RTN4RL2: variants seen among roughly 807,000 people sequenced by gnomAD.
RTN4RL2 encodes the protein reticulon 4 receptor like 2.
In RTN4RL2, 9 loss-of-function variants were observed where a neutral mutation model predicts 27.8. The ratio of observed to expected loss-of-function variants is 0.32; its 90% CI spans 0.20 to 0.57. The LOEUF (loss-of-function observed/expected upper bound fraction) is 0.57. RTN4RL2 is among the 20% of genes least tolerant of loss of function. RTN4RL2 has a pLI of 0.90. For missense variants in RTN4RL2, 436 were observed against 596.8 expected (o/e 0.73, Z 2.81); for synonymous variants, 285 against 297.9 (o/e 0.96, Z 0.45).
At chr11:57,466,505 C>T (rs376545538) in intron 1 of RTN4RL2, among the ~76,000 whole-genome samples, 1 of 152,186 alleles carries the variant, frequency 6.6e-6, no homozygotes, top group Non-Finnish European at 1.5e-5. Flanking sequence ...TAAGTAACTG[C>T]GAATGAGGAG....
chr11:57,462,733 C>T (rs530245293), intron 1 of RTN4RL2, among the ~76,000 whole-genome samples: 21 of 152,368 alleles, frequency 1.4e-4, no homozygotes, highest in Non-Finnish European at 2.2e-4. Flanking sequence ...TGGCTCTGGA[C>T]ACTTCAGCCT....
chr11:57,471,028 G>A (rs902594686), intron 2 of RTN4RL2, among the ~76,000 whole-genome samples: 1 of 152,062 alleles, frequency 6.6e-6, no homozygotes, highest in East Asian at 1.9e-4. Flanking sequence ...TTGAAGTCAG[G>A]AGTTCGAGAC....
At chr11:57,466,161 C>T (rs113898131) in intron 1 of RTN4RL2, among the ~76,000 whole-genome samples, 1,571 of 151,710 alleles carry the variant, frequency 0.01, 29 homozygotes, top group African/African-American at 0.036. Flanking sequence ...CCACCATGCC[C>T]GGCTAAATTT....
In RTN4RL2 at chr11:57,477,440, G is replaced by C. The variant is rs1321950878; in HGVS notation, c.*529G>C. 1 of 152,808 alleles carries C rather than the reference G, an allele frequency of 6.5e-6. No individual in the cohort carries two copies. The highest frequency in any genetic ancestry group is 1.5e-5 in the Non-Finnish European group (1 of 68,494). 9.5% of individuals were successfully genotyped at this position (152,808 alleles called of 1,614,324 possible). ...ACCCTGGACACTTTTTAGGGCACCT[G>C]GAGAGAACTTTCCTCTCCACTGTGG... On this transcript the variant is annotated 3_prime_UTR_variant, in exon 3 of 3. Coordinates refer to ENST00000335099, the MANE Select transcript of RTN4RL2 (RefSeq NM_178570.3).
chr11:57,476,306 C>A lies in RTN4RL2; in HGVS notation c.658C>A (p.Arg220Ser), dbSNP rs749353503. 1 of 1,611,448 alleles carries A rather than the reference C, an allele frequency of 6.2e-7. No individual in the cohort carries two copies. Residue 220 changes from arginine (R) to serine (S), a missense_variant, in exon 3 of 3, where the codon CGC (arginine) becomes AGC (serine). Around this residue, in one of 3 missense-constraint regions of RTN4RL2, gnomAD observed 365 missense variants for 530.5 expected, o/e 0.69. Transcript: ENST00000335099. This position sits in a 1 kb window ranked among gnomAD's most constrained non-coding sequence, Gnocchi z 8.2. ...CGGGAACCGGCTGCAGGGCGTGCAC[C>A]GCGCGGCCTTCCGCGGCCTCAGCCG... ...LHGNRLQGVH[R>S]AAFRGLSRLT...
chr11:57,461,256 G>GGT (rs1212789581), intron 1 of RTN4RL2, among the ~76,000 whole-genome samples: 1 of 152,180 alleles, frequency 6.6e-6, no homozygotes, highest in African/African-American at 2.4e-5. Context: ...CCTCCTGCCC[G>GGT]GTGCCTCAGC....
chr11:57,472,453 C>T (rs1423091560), intron 2 of RTN4RL2, among the ~76,000 whole-genome samples: 1 of 151,984 alleles, frequency 6.6e-6, no homozygotes, highest in Non-Finnish European at 1.5e-5. Context: ...TTAAGCAATC[C>T]ACCCGCCTCG....
chr11:57,466,524 G>A (rs1427458738), intron 1 of RTN4RL2, among the ~76,000 whole-genome samples: 1 of 152,218 alleles, frequency 6.6e-6, no homozygotes, highest in African/African-American at 2.4e-5. Flanking sequence ...AGAGCCTGGG[G>A]TGTAAAATGC....
chr11:57,466,992 A>C (rs554324443), intron 1 of RTN4RL2, among the ~76,000 whole-genome samples: 2 of 152,372 alleles, frequency 1.3e-5, no homozygotes, highest in African/African-American at 4.8e-5. Context: ...TTTTGACATT[A>C]ATCTCTAGAC....
rs1375715089 is a variant in RTN4RL2 at position 57,467,217 on chromosome 11, AT to A, written c.32-386del. Among the ~76,000 whole-genome samples, 2 of 151,490 alleles carry A rather than the reference AT, an allele frequency of 1.3e-5. No homozygotes were observed. The highest frequency in any genetic ancestry group is 4.9e-5 in the African/African-American group (2 of 41,158). ...CTCTAGGCCTTTATTTTTATTTTCT[AT>A]TTTTTCCCCTGAAACAGGGTCTTGT... On this transcript the variant is annotated intron_variant, in intron 1 of 2. Transcript: ENST00000335099. The surrounding 1 kb of genome is among the most constrained non-coding windows in gnomAD (Gnocchi z 5.5).
intron 1 of RTN4RL2, among the ~76,000 whole-genome samples, chr11:57,465,990 ATTTTTTTTTT>A (rs35174184): frequency 3.9e-5 from 3 of 77,900 alleles, no homozygotes; most frequent in Admixed American, 1.6e-4. Context: ...CATGCCTACA[ATTTTTTTTTT>A]TTTTTTTTTT....
chr11:57,476,231 A>G lies in RTN4RL2; in HGVS notation c.583A>G (p.Thr195Ala). Residue 195 changes from threonine (T) to alanine (A), a missense_variant, in exon 3 of 3, where the codon ACA becomes GCA. By Grantham distance (58) the Thr-to-Ala change is moderately conservative (BLOSUM62 0). Coordinates refer to ENST00000335099, the MANE Select transcript of RTN4RL2 (RefSeq NM_178570.3). This position sits in a 1 kb window ranked among gnomAD's most constrained non-coding sequence, Gnocchi z 8.2. ...FLHGNRLRLL[T>A]EHVFRGLGSL... ...CCACGGGAACCGCCTGCGGCTGCTC[A>G]CAGAGCACGTGTTTCGCGGCCTGGG... The G allele has an allele frequency of 6.2e-7, 1 of 1,612,360 alleles. No individual in the cohort carries two copies. Among genetic ancestry groups the G allele is most frequent in the Non-Finnish European group, 8.5e-7 (1 of 1,179,428 alleles).
At chr11:57,469,836 T>C (rs920730206) in intron 2 of RTN4RL2, among the ~76,000 whole-genome samples, 7 of 152,156 alleles carry the variant, frequency 4.6e-5, no homozygotes, top group African/African-American at 1.2e-4. Flanking sequence ...TTGTTAACAA[T>C]GGAGAAGCTG....
At chr11:57,470,639 CACTATAATA>C (rs964391368) in intron 2 of RTN4RL2, among the ~76,000 whole-genome samples, 6 of 150,444 alleles carry the variant, frequency 4.0e-5, no homozygotes, top group African/African-American at 1.5e-4. Flanking sequence ...CACATATGGG[CACTATAATA>C]ATAATTACTA....
At chr11:57,471,999 CAG>C (rs1943564835) in intron 2 of RTN4RL2, among the ~76,000 whole-genome samples, 1 of 152,098 alleles carries the variant, frequency 6.6e-6, no homozygotes, top group Non-Finnish European at 1.5e-5. Flanking sequence ...GCTGGGATTA[CAG>C]GCATGTGCTA....
In RTN4RL2 at chr11:57,476,928, G is replaced by T; in HGVS notation, c.*17G>T. ...CACCTCTGACTGCGGTGCTGAGATC[G>T]AAGAGGCCAGTGTCCGATCCCCGCT... On this transcript the variant is annotated 3_prime_UTR_variant, in exon 3 of 3. Transcript: ENST00000335099. This position sits in a 1 kb window ranked among gnomAD's most constrained non-coding sequence, Gnocchi z 8.2. 1.3e-6 allele frequency: 2 copies of T among 1,545,470 alleles called. No individual in the cohort carries two copies.
intron 2 of RTN4RL2, among the ~76,000 whole-genome samples, chr11:57,473,240 T>C (rs1213759071): frequency 2.0e-5 from 3 of 152,160 alleles, no homozygotes; most frequent in African/African-American, 4.8e-5. Context: ...CACCAATTCA[T>C]AAAAATCAGA....
At chr11:57,464,882 C>T (rs954268621) in intron 1 of RTN4RL2, among the ~76,000 whole-genome samples, 1 of 152,268 alleles carries the variant, frequency 6.6e-6, no homozygotes, top group Non-Finnish European at 1.5e-5. Context: ...AATCGTGAAA[C>T]GCCGCACGGG....
chr11:57,460,916 G>A lies in RTN4RL2; in HGVS notation c.31+20G>A, dbSNP rs1272220104. On this transcript the variant is annotated intron_variant, in intron 1 of 2. Transcript: ENST00000335099. The stretch of plus-strand genomic sequence containing the variant: ...TGCAAGGTAAGAACGCCAGCGGCGG[G>A]AGAGCGGAGGGCATCCTGGGGAGAG... 1.4e-6 allele frequency: 2 copies of A among 1,381,464 alleles called. No homozygotes were observed. The highest frequency in any genetic ancestry group is 3.1e-5 in the East Asian group (1 of 32,426). 85.6% of individuals were successfully genotyped at this position (1,381,464 alleles called of 1,614,324 possible). A position where few individuals can be genotyped will look rare whatever the true frequency, so the allele number is the denominator to read the frequency against.
Sources: gnomAD v4.1 joint callset for allele counts (sites outside exome capture counted in the v4.1 genomes callset) on GRCh38, gnomAD v4.1.1 for gene constraint, gnomAD v4.1.1 regional missense constraint, Gnocchi (gnomAD v3.1) non-coding constraint, MANE v1.5 for transcripts, NCBI Gene and HGNC (gene_info 2026-07-23, HGNC 2026-07-21) for gene names.